The following ATP6V1E2 variants were observed in gnomAD, a reference collection of about 807,000 sequenced individuals.
ATP6V1E2 encodes V-type proton ATPase subunit E 2.
For missense variants in ATP6V1E2, 308 were observed against 273.3 expected (o/e 1.13, Z -0.90); for synonymous variants, 121 against 104.2 (o/e 1.16, Z -0.98).
intron 4 of ATP6V1E2, among the ~76,000 whole-genome samples, chr2:46,531,814 G>T (rs1667194139): frequency 1.3e-5 from 2 of 152,174 alleles, no homozygotes; most frequent in Admixed American, 1.3e-4. Flanking sequence ...TCATGTGCTT[G>T]TTGGTGATTT....
intron 4 of ATP6V1E2, among the ~76,000 whole-genome samples, chr2:46,520,843 G>A (rs1666583165): frequency 6.6e-6 from 1 of 152,082 alleles, no homozygotes; most frequent in African/African-American, 2.4e-5. Flanking sequence ...GCTTGGGGAT[G>A]GAAGGGAGGC....
intron 1 of ATP6V1E2, chr2:46,541,739 C>T (rs1415678634): frequency 6.6e-6 from 1 of 152,286 alleles, no homozygotes; most frequent in African/African-American, 2.4e-5. Flanking sequence ...CGCCCCAATG[C>T]CCAGTGTTCA....
chr2:46,538,840 A>C (rs1017649705), intron 2 of ATP6V1E2, among the ~76,000 whole-genome samples: 2 of 152,182 alleles, frequency 1.3e-5, no homozygotes, highest in Non-Finnish European at 2.9e-5. Context: ...TTGGTGGCTC[A>C]TGCCTATAAT....
chr2:46,540,732 CAG>C (rs753272484), intron 2 of ATP6V1E2, among the ~76,000 whole-genome samples: 20 of 148,626 alleles, frequency 1.3e-4, no homozygotes, highest in African/African-American at 1.0e-4. Flanking sequence ...CATGGGCTGA[CAG>C]GGGGGCATTC....
chr2:46,514,114 T>C (rs1251537914), intron 4 of ATP6V1E2, among the ~76,000 whole-genome samples: 1 of 151,662 alleles, frequency 6.6e-6, no homozygotes, highest in Non-Finnish European at 1.5e-5. Context: ...ATCCCATCTC[T>C]ACTAAAAATA....
intron 4 of ATP6V1E2, among the ~76,000 whole-genome samples, chr2:46,521,559 G>A (rs567721109): frequency 6.6e-6 from 1 of 152,308 alleles, no homozygotes; most frequent in Admixed American, 6.5e-5. Context: ...GCTTTCCAGA[G>A]CTTGGAGCAC....
chr2:46,541,329 C>A (rs1021458401), intron 2 of ATP6V1E2, 61 bp downstream of exon 2: 3 of 152,250 alleles, frequency 2.0e-5, no homozygotes. Context: ...TAGTCGCAGA[C>A]ACGCAGGGCC....
chr2:46,514,657 T>C (rs1363632833), intron 4 of ATP6V1E2, among the ~76,000 whole-genome samples: 1 of 152,006 alleles, frequency 6.6e-6, no homozygotes, highest in Non-Finnish European at 1.5e-5. Flanking sequence ...CTAAGAGACT[T>C]ACAGGACATC....
At chr2:46,528,645 A>AGATG (rs940484993) in intron 4 of ATP6V1E2, among the ~76,000 whole-genome samples, 1 of 152,220 alleles carries the variant, frequency 6.6e-6, no homozygotes, top group Non-Finnish European at 1.5e-5. Context: ...TGGTGTCACA[A>AGATG]GATGCATCCA....
chr2:46,518,488 A>AC (rs1558657648), intron 4 of ATP6V1E2, among the ~76,000 whole-genome samples: 1 of 73,334 alleles, frequency 1.4e-5, no homozygotes, highest in Non-Finnish European at 2.6e-5. Flanking sequence ...ACACACACAC[A>AC]CAACACACAC....
Position 46,512,519 on chromosome 2 carries a change from C to A in ATP6V1E2, c.193G>T (p.Glu65Ter). 1 of 1,614,198 alleles carries A rather than the reference C, an allele frequency of 6.2e-7. No homozygotes were observed. The highest frequency in any genetic ancestry group is 2.2e-5 in the East Asian group (1 of 44,892). Residue 65 changes from glutamate (E) to a stop codon, truncating the protein, a stop_gained, in exon 5 of 5, where the codon GAG becomes TAG. Coordinates refer to ENST00000522587, the MANE Select transcript of ATP6V1E2 (RefSeq NM_001318063.2). LOFTEE classifies it low-confidence loss of function (END_TRUNC). ...GACATCAGGATTTTCTTCTGCTGCT[C>A]TATCTGCTTCTCCTTTTTCTCATAA... ...EYYEKKEKQIEQQKKILMSTM... is the reference protein window; with the variant it reads ...EYYEKKEKQI
intron 4 of ATP6V1E2, among the ~76,000 whole-genome samples, chr2:46,525,837 T>C (rs558176800): frequency 6.6e-6 from 1 of 152,146 alleles, no homozygotes; most frequent in African/African-American, 2.4e-5. Context: ...AGCAGTCAGG[T>C]TCTCCCCAAG....
rs576319135 is a variant in ATP6V1E2 at position 46,516,509 on chromosome 2, G to A, written c.-101-3697C>T. Among the ~76,000 whole-genome samples the A allele has an allele frequency of 2.0e-4, 31 of 152,264 alleles. 1 individual carries two copies. The South Asian group carries it at 4.1e-3, about 20-fold the overall frequency. ...ACTTTGGGAGGCTGAAGCAGGAATCGCTTGAACCTGGTAGTGCGAGGCTGT... is the reference window on the plus strand; with the variant it reads ...ACTTTGGGAGGCTGAAGCAGGAATCACTTGAACCTGGTAGTGCGAGGCTGT... On this transcript the variant is annotated intron_variant, in intron 4 of 4. Coordinates refer to ENST00000522587, the MANE Select transcript of ATP6V1E2 (RefSeq NM_001318063.2).
intron 4 of ATP6V1E2, chr2:46,534,305 C>T (rs1333896362): frequency 1.3e-5 from 2 of 152,168 alleles, no homozygotes; most frequent in African/African-American, 4.8e-5. Context: ...TATTTCATTC[C>T]ACAATGTCTA....
chr2:46,541,091 C>T (rs1457413244), intron 2 of ATP6V1E2, among the ~76,000 whole-genome samples: 1 of 152,198 alleles, frequency 6.6e-6, no homozygotes, highest in African/African-American at 2.4e-5. Context: ...TGGATAGACC[C>T]TCCTTTCAGG....
intron 2 of ATP6V1E2, among the ~76,000 whole-genome samples, chr2:46,540,044 A>C (rs1391861403): frequency 1.3e-5 from 2 of 152,132 alleles, no homozygotes; most frequent in Non-Finnish European, 2.9e-5. Context: ...GACCTCAATA[A>C]ATGCTTGTTA....
chr2:46,521,510 G>A (rs974817570), intron 4 of ATP6V1E2, among the ~76,000 whole-genome samples: 2 of 152,148 alleles, frequency 1.3e-5, no homozygotes, highest in African/African-American at 4.8e-5. Context: ...TGGGCCTCCA[G>A]ACACTTAGAG....
intron 4 of ATP6V1E2, among the ~76,000 whole-genome samples, chr2:46,526,751 A>G (rs1158705079): frequency 6.6e-6 from 1 of 152,154 alleles, no homozygotes; most frequent in East Asian, 1.9e-4. Flanking sequence ...CATTGTGTGT[A>G]TATACCATAT....
intron 4 of ATP6V1E2, among the ~76,000 whole-genome samples, chr2:46,525,245 C>A (rs931309069): frequency 6.6e-6 from 1 of 151,908 alleles, no homozygotes; most frequent in African/African-American, 2.4e-5. Flanking sequence ...GAGGCCGAGG[C>A]GGGCGGATCA....
Sources: gnomAD v4.1 joint callset for allele counts (sites outside exome capture counted in the v4.1 genomes callset) on GRCh38, gnomAD v4.1.1 for gene constraint, MANE v1.5 for transcripts, NCBI Gene and HGNC (gene_info 2026-07-23, HGNC 2026-07-21) for gene names.